The following ZBBX variants were observed in gnomAD, a reference collection of about 807,000 sequenced individuals.
ZBBX encodes zinc finger B-box domain containing, also known as zinc finger B-box domain-containing protein 1.
ZBBX carries 101 observed loss-of-function variants against 108.5 expected under a neutral mutation model. The observed-to-expected ratio is 0.93, with a 90% confidence interval of 0.79 to 1.10. ZBBX has a LOEUF of 1.10. Ranked by LOEUF, ZBBX falls within the 50% of genes least tolerant of loss-of-function variation. ZBBX has a pLI of 0.00. For synonymous variants in ZBBX, 356 were observed against 323.4 expected, an observed-to-expected ratio of 1.10 and a Z score of -1.08; for missense variants, 1,009 against 941.4, an observed-to-expected ratio of 1.07 and a Z score of -0.94.
chr3:167,316,933 T>C (rs762735626), intron 14 of ZBBX, 72 bp downstream of exon 14: 33 of 802,354 alleles, frequency 4.1e-5, no homozygotes, highest in Non-Finnish European at 5.3e-5. Context: ...GAAAATAATA[T>C]GCAGATGTAA....
chr3:167,205,470 A>G, the ZBBX span, among the ~76,000 whole-genome samples: 1 of 152,198 alleles, frequency 6.6e-6, no homozygotes, highest in Non-Finnish European at 1.5e-5. Context: ...TGTGATCTCA[A>G]GTGATATCTG....
At chr3:167,268,431 A>G (rs536091560) in intron 20 of ZBBX, among the ~76,000 whole-genome samples, 50 of 152,186 alleles carry the variant, frequency 3.3e-4, no homozygotes, top group African/African-American at 1.1e-3. Context: ...CTTCCTGGCC[A>G]AGACCCCTGG....
At chr3:167,327,824 G>T in intron 11 of ZBBX, 118 bp downstream of exon 11, 2 of 986,258 alleles carry the variant, frequency 2.0e-6, no homozygotes, top group Non-Finnish European at 2.8e-6. Context: ...TGAGGCAGGA[G>T]AATTACTTGA....
the ZBBX span, among the ~76,000 whole-genome samples, chr3:167,207,414 T>A: frequency 6.6e-6 from 1 of 152,220 alleles, no homozygotes; most frequent in African/African-American, 2.4e-5. Flanking sequence ...ATTCTTCAGC[T>A]TATTCTATCC....
chr3:167,210,681 G>T, the ZBBX span, among the ~76,000 whole-genome samples: 1 of 152,098 alleles, frequency 6.6e-6, no homozygotes, highest in African/African-American at 2.4e-5. Flanking sequence ...AAATACAATG[G>T]AGCTCCAATA....
chr3:167,199,514 T>C, the ZBBX span, among the ~76,000 whole-genome samples: 2,029 of 152,264 alleles, frequency 0.013, 22 homozygotes, highest in South Asian at 0.026. Context: ...CACTTGAAAG[T>C]TTATTATTCC....
At chr3:167,362,561 C>T (rs1467586932) in intron 6 of ZBBX, among the ~76,000 whole-genome samples, 1 of 152,120 alleles carries the variant, frequency 6.6e-6, no homozygotes, top group Admixed American at 6.6e-5. Context: ...TCCTTCCAAG[C>T]CCCCACTGCC....
At chr3:167,367,956 GA>G (rs1421142720) in intron 5 of ZBBX, among the ~76,000 whole-genome samples, 2 of 98,754 alleles carry the variant, frequency 2.0e-5, no homozygotes, top group Admixed American at 2.9e-4. Context: ...GAGCAATTCT[GA>G]TTATATATAT....
chr3:167,209,324 C>T, the ZBBX span, among the ~76,000 whole-genome samples: 2 of 151,982 alleles, frequency 1.3e-5, no homozygotes, highest in African/African-American at 4.8e-5. Context: ...CCAGCACAGT[C>T]CCAGTGCTGG....
At chr3:167,290,932 T>C (rs983693144) in intron 18 of ZBBX, among the ~76,000 whole-genome samples, 10 of 151,926 alleles carry the variant, frequency 6.6e-5, no homozygotes, top group African/African-American at 2.2e-4. Flanking sequence ...AATAGCTGAA[T>C]AGATCAAGCG....
rs754745186 is a variant in ZBBX, at chr3:167,322,149, A to G, written c.951T>C (p.Tyr317=). The change falls in exon 12 of 22, where the codon TAT becomes TAC. Residue 317 remains tyrosine, a synonymous_variant. Transcript: ENST00000675490. The part of the protein sequence containing the change: ...NIELKEDILS[Y]MEKLWLKKHR... ...GTTTTTTAAGCCATAATTTTTCCATATAGGATAGAATGTCTTCTTTAAGTT... is the reference window on the plus strand; with the variant it reads ...GTTTTTTAAGCCATAATTTTTCCATGTAGGATAGAATGTCTTCTTTAAGTT... 1.4e-6 allele frequency: 2 copies of G among 1,390,074 alleles called. No homozygotes were observed. The highest frequency in any genetic ancestry group is 1.9e-6 in the Non-Finnish European group (2 of 1,048,164). 86.1% of individuals were successfully genotyped at this position (1,390,074 alleles called of 1,614,324 possible).
At chr3:167,244,769 G>T (rs928427544) in intron 20 of ZBBX, among the ~76,000 whole-genome samples, 1 of 152,152 alleles carries the variant, frequency 6.6e-6, no homozygotes, top group African/African-American at 2.4e-5. Flanking sequence ...CAAGTCAGTT[G>T]ATTGTTGAGA....
intron 20 of ZBBX, 135 bp from the exon 21 acceptor site, chr3:167,242,778 C>A: frequency 1.2e-6 from 1 of 800,958 alleles, no homozygotes. Context: ...AATTATTCCT[C>A]AATTTTCTAA....
intron 9 of ZBBX, among the ~76,000 whole-genome samples, chr3:167,335,507 A>G (rs1403413175): frequency 6.6e-6 from 1 of 152,028 alleles, no homozygotes; most frequent in Non-Finnish European, 1.5e-5. Flanking sequence ...AGAACTTGGC[A>G]TGAGGAAGAC....
the ZBBX span, among the ~76,000 whole-genome samples, chr3:167,212,366 C>T: frequency 6.6e-6 from 1 of 152,194 alleles, no homozygotes; most frequent in African/African-American, 2.4e-5. Flanking sequence ...AACTCAGCAC[C>T]TCCCTGGACA....
At position 167,288,850 on chromosome 3, in the gene ZBBX, CT is replaced by C; in HGVS notation, c.1996+16del. ...TAAGCTGCCAACATGGCACTGCTGC[CT>C]TTGAGTCAATGTTACCCATCTTTTG... is the stretch of plus-strand genomic sequence containing the variant. On this transcript the variant is annotated intron_variant, in intron 19 of 21. Coordinates refer to ENST00000675490, the MANE Select transcript of ZBBX (RefSeq NM_001199201.2). The C allele has an allele frequency of 6.6e-7, 1 of 1,508,350 alleles. No homozygotes were observed. The allele number at this position is 1,508,350 out of a possible 1,614,324, so 93.4% of individuals were successfully genotyped here.
At chr3:167,388,572 C>T (rs1391453032) in intron 1 of ZBBX, among the ~76,000 whole-genome samples, 1 of 151,982 alleles carries the variant, frequency 6.6e-6, no homozygotes, top group Non-Finnish European at 1.5e-5. Context: ...TGCAGGATGG[C>T]TACTATGACA....
chr3:167,347,731 G>T (rs1741726263), intron 9 of ZBBX, among the ~76,000 whole-genome samples: 1 of 151,874 alleles, frequency 6.6e-6, no homozygotes, highest in South Asian at 2.1e-4. Context: ...TATGCTCTTT[G>T]CTAAGTGCCA....
chr3:167,355,260 C>T (rs1251497558), intron 8 of ZBBX, among the ~76,000 whole-genome samples: 1 of 151,962 alleles, frequency 6.6e-6, no homozygotes, highest in African/African-American at 2.4e-5. Flanking sequence ...AACAACAAAA[C>T]ACACTGTTTA....
Sources: gnomAD v4.1 joint callset for allele counts (sites outside exome capture counted in the v4.1 genomes callset) on GRCh38, gnomAD v4.1.1 for gene constraint, MANE v1.5 for transcripts, NCBI Gene and HGNC (gene_info 2026-07-23, HGNC 2026-07-21) for gene names.